ARHGEF17: variants seen among roughly 807,000 people sequenced by gnomAD.
The protein encoded by ARHGEF17 is 164 kDa Rho-specific guanine-nucleotide exchange factor.
A neutral mutation model predicts 174.0 loss-of-function variants in ARHGEF17; 80 were observed. The observed-to-expected ratio is 0.46, with a 90% confidence interval of 0.38 to 0.55. The LOEUF is 0.55. Among genes scored for constraint, ARHGEF17 ranks in the 20% least tolerant of loss-of-function variants. ARHGEF17 has a pLI of 0.00. For missense variants in ARHGEF17, 2,886 were observed against 2,839.7 expected (o/e 1.02, Z -0.37); for synonymous variants, 1,311 against 1,189.1 (o/e 1.10, Z -2.11).
At chr11:73,334,443 G>A (rs1865255859) in intron 1 of ARHGEF17, among the ~76,000 whole-genome samples, 1 of 152,144 alleles carries the variant, frequency 6.6e-6, no homozygotes, top group South Asian at 2.1e-4. Context: ...GGAGAGGCTG[G>A]GAGGTCACAC....
In ARHGEF17 at chr11:73,356,300, C is replaced by G; in HGVS notation, c.3789C>G (p.Arg1263=). 1 of 1,613,368 alleles carries G rather than the reference C, an allele frequency of 6.2e-7. No individual in the cohort carries two copies. Among genetic ancestry groups the G allele is most frequent in the Non-Finnish European group, 8.5e-7 (1 of 1,180,022 alleles). ...TGCGGAGTGCCGAGGAGGCGGAGCGCCATGCCCGTGTGCTGCAGGAGATAG... is the reference window on the plus strand; with the variant it reads ...TGCGGAGTGCCGAGGAGGCGGAGCGGCATGCCCGTGTGCTGCAGGAGATAG... The part of the protein sequence containing the change: ...KGVRSAEEAE[R]HARVLQEIEA... Residue 1263 remains arginine, a synonymous_variant, in exon 6 of 21, where the codon CGC becomes CGG. Coordinates refer to ENST00000263674, the MANE Select transcript of ARHGEF17 (RefSeq NM_014786.4).
intron 1 of ARHGEF17, among the ~76,000 whole-genome samples, chr11:73,326,496 G>T (rs1000497656): frequency 6.6e-6 from 1 of 152,196 alleles, no homozygotes; most frequent in African/African-American, 2.4e-5. Flanking sequence ...GAGGAGGGCG[G>T]ATCACCTGAG....
At chr11:73,326,671 G>A (rs1295082761) in intron 1 of ARHGEF17, among the ~76,000 whole-genome samples, 1 of 152,154 alleles carries the variant, frequency 6.6e-6, no homozygotes, top group East Asian at 1.9e-4. Flanking sequence ...AGTGCACCGA[G>A]ATTGCACATT....
chr11:73,317,832 G>A (rs887941260), intron 1 of ARHGEF17, among the ~76,000 whole-genome samples: 1 of 152,182 alleles, frequency 6.6e-6, no homozygotes, highest in Non-Finnish European at 1.5e-5. Flanking sequence ...CCCATGAGAT[G>A]CAGGGGTTTG....
chr11:73,309,791 G>A lies in ARHGEF17; in HGVS notation c.1153G>A (p.Ala385Thr). 6.2e-7 allele frequency: 1 copy of A among 1,612,994 alleles called. No homozygotes were observed. Among genetic ancestry groups the A allele is most frequent in the Non-Finnish European group, 8.5e-7 (1 of 1,179,996 alleles). ...VSFPSYLASP[A>T]GSRGSSRYSS... ...CTTTCCCTCGTACCTGGCCAGCCCCGCAGGCTCCCGCGGTAGCAGCCGTTA... is the reference window on the plus strand; with the variant it reads ...CTTTCCCTCGTACCTGGCCAGCCCCACAGGCTCCCGCGGTAGCAGCCGTTA... Residue 385 changes from alanine (A) to threonine (T), a missense_variant, in exon 1 of 21, where the codon GCA becomes ACA. Coordinates refer to ENST00000263674, the MANE Select transcript of ARHGEF17 (RefSeq NM_014786.4).
At chr11:73,330,638 C>G (rs1865189809) in intron 1 of ARHGEF17, among the ~76,000 whole-genome samples, 1 of 152,166 alleles carries the variant, frequency 6.6e-6, no homozygotes, top group Non-Finnish European at 1.5e-5. Context: ...TTGCTGGGCC[C>G]TGGAAGGTGG....
Position 73,365,993 on chromosome 11 carries a change from G to A in ARHGEF17, c.5995+46G>A. On this transcript the variant is annotated intron_variant, in intron 20 of 20. Coordinates refer to ENST00000263674, the MANE Select transcript of ARHGEF17 (RefSeq NM_014786.4). This position sits in a 1 kb window ranked among gnomAD's most constrained non-coding sequence, Gnocchi z 4.9. ...CCAAGCTAGGGATCATGGACATTTG[G>A]TTTAGGACTCCCCACTATCCTGCCA... 1 of 1,570,892 alleles carries A rather than the reference G, an allele frequency of 6.4e-7. No individual in the cohort carries two copies. The highest frequency in any genetic ancestry group is 1.3e-5 in the African/African-American group (1 of 74,610).
At chr11:73,317,628 A>G (rs1864950320) in intron 1 of ARHGEF17, among the ~76,000 whole-genome samples, 1 of 152,172 alleles carries the variant, frequency 6.6e-6, no homozygotes, top group Non-Finnish European at 1.5e-5. Context: ...AAGCCCTGAA[A>G]TGGGGGCCCT....
chr11:73,323,829 T>C (rs1256366354), intron 1 of ARHGEF17, among the ~76,000 whole-genome samples: 4 of 152,248 alleles, frequency 2.6e-5, no homozygotes, highest in Non-Finnish European at 5.9e-5. Flanking sequence ...TCTCATCACC[T>C]GGACGTGGTG....
chr11:73,332,703 G>A (rs1236342374), intron 1 of ARHGEF17, among the ~76,000 whole-genome samples: 3 of 151,916 alleles, frequency 2.0e-5, no homozygotes, highest in African/African-American at 7.3e-5. Flanking sequence ...CTTCCTTCTG[G>A]GGTTCCTGGG....
At chr11:73,341,816 A>G (rs1865373681) in intron 1 of ARHGEF17, among the ~76,000 whole-genome samples, 1 of 152,146 alleles carries the variant, frequency 6.6e-6, no homozygotes, top group African/African-American at 2.4e-5. Context: ...CAGGAAACTC[A>G]GGGGAAAGCA....
In ARHGEF17 at chr11:73,367,914, T is replaced by C; in HGVS notation, c.*134T>C. On this transcript the variant is annotated 3_prime_UTR_variant, in exon 21 of 21. Transcript: ENST00000263674. ...ATGTGCCTGCGTGGGCTCTGCCTTG[T>C]CTTCGCGGAAGCATTCCTGATGGAA... 1.0e-6 allele frequency: 1 copy of C among 959,510 alleles called. No individual in the cohort carries two copies. The highest frequency in any genetic ancestry group is 1.5e-6 in the Non-Finnish European group (1 of 669,564). The allele number at this position is 959,510 out of a possible 1,614,324, so 59.4% of individuals were successfully genotyped here.
rs759124806 is a variant in ARHGEF17 at position 73,367,686 on chromosome 11, A to C, written c.6098A>C (p.Tyr2033Ser). 6.2e-7 allele frequency: 1 copy of C among 1,614,092 alleles called. No homozygotes were observed. Among genetic ancestry groups the C allele is most frequent in the South Asian group, 1.1e-5 (1 of 91,086 alleles). ...KMLVISGGDGYEDFRLSSGGG... is the reference protein window; with the variant it reads ...KMLVISGGDGSEDFRLSSGGG... ...CTGGTTATCAGTGGAGGTGATGGCTATGAGGACTTCCGACTCAGCAGTGGG... is the reference window on the plus strand; with the variant it reads ...CTGGTTATCAGTGGAGGTGATGGCTCTGAGGACTTCCGACTCAGCAGTGGG... Residue 2033 changes from tyrosine to serine, a missense_variant, in exon 21 of 21, where the codon TAT becomes TCT. Coordinates refer to ENST00000263674, the MANE Select transcript of ARHGEF17 (RefSeq NM_014786.4).
Position 73,362,544 on chromosome 11 carries a change from G to A in ARHGEF17, c.4806G>A (p.Pro1602=), listed in dbSNP as rs1005354266. The change falls in exon 14 of 21, where the codon CCG becomes CCA. Residue 1602 remains proline, a synonymous_variant. Transcript: ENST00000263674. The stretch of plus-strand genomic sequence containing the variant: ...AGGAAGCCGCGACGCTCGCGGAGCC[G>A]GGGCCGCAGCCCTGCCTTCACATCT... ...ADEEAATLAE[P]GPQPCLHISI... is the part of the protein sequence containing the mutation. 1.1e-5 allele frequency: 18 copies of A among 1,607,352 alleles called. No homozygotes were observed. Among genetic ancestry groups the A allele is most frequent in the African/African-American group, 5.3e-5 (4 of 74,898 alleles).
chr11:73,359,762 G>GCTTC, intron 9 of ARHGEF17, 72 bp from the exon 10 acceptor site: 1 of 1,290,870 alleles, frequency 7.7e-7, no homozygotes. Context: ...ATGCAGTGAG[G>GCTTC]GAAGGAGAGT....
At chr11:73,367,454 A>C in intron 20 of ARHGEF17, 130 bp from the exon 21 acceptor site, 1 of 715,296 alleles carries the variant, frequency 1.4e-6, no homozygotes, top group East Asian at 2.7e-5. Flanking sequence ...GCTAACAGAA[A>C]GTGGGATTCC....
In ARHGEF17 at chr11:73,310,996, G is replaced by C; in HGVS notation, c.2358G>C (p.Trp786Cys). The C allele has an allele frequency of 1.2e-6, 2 of 1,614,182 alleles. No individual in the cohort carries two copies. Among genetic ancestry groups the C allele is most frequent in the Non-Finnish European group, 1.7e-6 (2 of 1,180,018 alleles). The part of the protein sequence containing the change: ...DEGLTSGHSD[W>C]SVGSEESKGY... ...GCTTGACCAGTGGTCACAGTGACTG[G>C]TCTGTGGGCAGTGAAGAGAGCAAGG... The change falls in exon 1 of 21, where the codon TGG becomes TGC. Residue 786 changes from tryptophan (W) to cysteine (C), a missense_variant. Physicochemically the swap from Trp to Cys is radical, Grantham distance 215. Coordinates refer to ENST00000263674, the MANE Select transcript of ARHGEF17 (RefSeq NM_014786.4).
chr11:73,367,806 G>T lies in ARHGEF17; in HGVS notation c.*26G>T. On this transcript the variant is annotated 3_prime_UTR_variant, in exon 21 of 21. Transcript: ENST00000263674. ...CCCTGTCTGCCGTGGCCCAGGACTC[G>T]CCCGCCCACCTGCCTTCAGCCTGCT... The T allele has an allele frequency of 1.3e-6, 2 of 1,585,450 alleles. No homozygotes were observed. Among genetic ancestry groups the T allele is most frequent in the South Asian group, 1.1e-5 (1 of 88,946 alleles).
At chr11:73,340,805 G>A (rs1414236043) in intron 1 of ARHGEF17, among the ~76,000 whole-genome samples, 1 of 152,236 alleles carries the variant, frequency 6.6e-6, no homozygotes, top group Admixed American at 6.5e-5. Context: ...TCACAGGCCT[G>A]TCCATCCTCC....
Sources: gnomAD v4.1 joint callset for allele counts (sites outside exome capture counted in the v4.1 genomes callset) on GRCh38, gnomAD v4.1.1 for gene constraint, Gnocchi (gnomAD v3.1) non-coding constraint, MANE v1.5 for transcripts, NCBI Gene and HGNC (gene_info 2026-07-23, HGNC 2026-07-21) for gene names.